The following PTGER3 variants were observed in gnomAD, a reference collection of about 807,000 sequenced individuals.
PTGER3 encodes the protein prostaglandin E2 receptor EP3 subtype.
In PTGER3, 22 loss-of-function variants were observed where a neutral mutation model predicts 34.7. That is an observed-to-expected ratio of 0.63 (90% confidence interval 0.45 to 0.91). PTGER3 has a LOEUF of 0.91. PTGER3 is among the 40% of genes least tolerant of loss of function. The pLI, the probability that PTGER3 is intolerant of heterozygous loss-of-function variation, is 0.00. For missense variants in PTGER3, 468 were observed against 519.4 expected (o/e 0.90, Z 0.96); for synonymous variants, 241 against 230.1 (o/e 1.05, Z -0.43).
At position 70,994,459 on chromosome 1, in the gene PTGER3, T is replaced by TA. The variant is rs201740512; in HGVS notation, c.1077+17845dup. 3.0e-3 allele frequency among the ~76,000 whole-genome samples: 313 copies of TA among 102,824 alleles called. 5 individuals are homozygous for TA. Among genetic ancestry groups the TA allele is most frequent in the African/African-American group, 0.01 (289 of 27,650 alleles). 67.5% of individuals were successfully genotyped at this position (102,824 alleles called of 152,430 possible). A position where few individuals can be genotyped will look rare whatever the true frequency, so the allele number is the denominator to read the frequency against. ...ATCAATGTGGTAAGTCTGTAAACCT[T>TA]AATTTTTTTTTTTTTGAGACAGAGT... On this transcript the variant is annotated intron_variant, in intron 2 of 3. Transcript: ENST00000306666.
At chr1:70,942,864 C>A (rs1015137482) in intron 4 of PTGER3, among the ~76,000 whole-genome samples, 3 of 152,140 alleles carry the variant, frequency 2.0e-5, no homozygotes, top group Admixed American at 1.3e-4. Flanking sequence ...AGGTGTTCAC[C>A]TGCAAGCCAA....
chr1:70,884,768 A>G (rs1002154680), intron 4 of PTGER3, among the ~76,000 whole-genome samples: 1 of 152,202 alleles, frequency 6.6e-6, no homozygotes, highest in African/African-American at 2.4e-5. Flanking sequence ...TGTCCCTTAA[A>G]TTCAGTGTAT....
chr1:70,966,332 A>C (rs1339995794), downstream of PTGER3, among the ~76,000 whole-genome samples: 1 of 152,182 alleles, frequency 6.6e-6, no homozygotes, highest in African/African-American at 2.4e-5. Context: ...AATCTCACAA[A>C]TCACCACTAA....
At chr1:70,865,789 G>GA (rs1646029079) in intron 4 of PTGER3, 1 of 1,367,106 alleles carries the variant, frequency 7.3e-7, no homozygotes, top group Non-Finnish European at 9.8e-7. Context: ...GCTGAGCACA[G>GA]AACCTTGAAG....
rs5687 is a variant in PTGER3, at chr1:71,010,763, C to G, written c.1077+1542G>C. The G allele has an allele frequency of 9.4e-4, 929 of 985,188 alleles. 6 individuals carry two copies. The African/African-American group carries it at 0.015, about 16-fold the overall frequency. 61.0% of individuals were successfully genotyped at this position (985,188 alleles called of 1,614,324 possible). The stretch of plus-strand genomic sequence containing the variant: ...TCATTAATTACATAAGCACTCTCAA[C>G]AGATTTTGTCTCCAAATTCAATTTG... On this transcript the variant is annotated intron_variant, in intron 2 of 3. Transcript: ENST00000306666.
intron 1 of PTGER3, among the ~76,000 whole-genome samples, chr1:71,016,009 T>C (rs1205657944): frequency 6.6e-6 from 1 of 152,208 alleles, no homozygotes; most frequent in East Asian, 1.9e-4. Context: ...CATAGCTCAC[T>C]GTAGTCCTGA....
chr1:70,916,911 G>A (rs978909074), intron 4 of PTGER3, among the ~76,000 whole-genome samples: 1 of 151,774 alleles, frequency 6.6e-6, no homozygotes, highest in Admixed American at 6.6e-5. Flanking sequence ...CAATTGACAC[G>A]TAATTGTATA....
At chr1:70,870,032 T>C (rs1407488932) in intron 4 of PTGER3, among the ~76,000 whole-genome samples, 1 of 152,214 alleles carries the variant, frequency 6.6e-6, no homozygotes, top group East Asian at 1.9e-4. Context: ...AGAGGTTCTC[T>C]GTGAGGGCTC....
chr1:70,985,873 G>A (rs1372554277), intron 2 of PTGER3, among the ~76,000 whole-genome samples: 1 of 152,170 alleles, frequency 6.6e-6, no homozygotes, highest in East Asian at 1.9e-4. Flanking sequence ...GCTATGATTA[G>A]GGCTAAGATG....
chr1:71,015,686 G>A (rs987276212), intron 1 of PTGER3, among the ~76,000 whole-genome samples: 1 of 152,116 alleles, frequency 6.6e-6, no homozygotes, highest in African/African-American at 2.4e-5. Context: ...TTCTGCTCAT[G>A]TATACTCAAT....
chr1:71,009,809 A>AT, intron 2 of PTGER3: 1 of 985,252 alleles, frequency 1.0e-6, no homozygotes, highest in Non-Finnish European at 1.2e-6. Context: ...TTGAAAGCCA[A>AT]TAAAATTAAA....
At position 71,047,458 on chromosome 1, in the gene PTGER3, A is replaced by T. The variant is rs556210237; in HGVS notation, c.120T>A (p.Pro40=). The T allele has an allele frequency of 2.5e-6, 4 of 1,610,038 alleles. No individual in the cohort carries two copies. The South Asian group carries it at 4.4e-5, about 18-fold the overall frequency. ...ATCCGCAATCCTCGCCAGACCCTGGAGGGCGCGTGAGGTTGCCCCGCGCCT... is the reference window on the plus strand; with the variant it reads ...ATCCGCAATCCTCGCCAGACCCTGGTGGGCGCGTGAGGTTGCCCCGCGCCT... ...SAEARGNLTR[P]PGSGEDCGSV... The change falls in exon 1 of 4, where the codon CCT becomes CCA. Residue 40 remains proline (P), a synonymous_variant. Transcript: ENST00000306666.
chr1:70,948,577 G>T (rs1329902366), downstream of PTGER3, among the ~76,000 whole-genome samples: 3 of 152,104 alleles, frequency 2.0e-5, no homozygotes, highest in African/African-American at 7.2e-5. Context: ...AGTCATAATG[G>T]AAGGGGAGAG....
Position 70,924,543 on chromosome 1 carries a change from A to C in PTGER3, c.*23+29220T>G, listed in dbSNP as rs921368922. The stretch of plus-strand genomic sequence containing the variant: ...GTATGAGTATTCTAATTGTGGGCAC[A>C]TTAGAATCAGCTAACAGTCCCATAT... On this transcript the variant is annotated intron_variant, in intron 4 of 4. Transcript: ENST00000370931. Among the ~76,000 whole-genome samples, 5 of 152,280 alleles carry C rather than the reference A, an allele frequency of 3.3e-5. No individual in the cohort carries two copies. The East Asian group carries it at 7.7e-4, about 24-fold the overall frequency.
intron 2 of PTGER3, among the ~76,000 whole-genome samples, chr1:70,981,664 C>T (rs1654384144): frequency 6.6e-6 from 1 of 152,054 alleles, no homozygotes; most frequent in Non-Finnish European, 1.5e-5. Context: ...CCACCTCAAC[C>T]TCCCAAAGTG....
chr1:70,974,220 T>C, intron 3 of PTGER3, 77 bp downstream of exon 3: 1 of 1,565,524 alleles, frequency 6.4e-7, no homozygotes, highest in Non-Finnish European at 8.7e-7. Flanking sequence ...TGGTCTGCCT[T>C]TGTAGCATCA....
At chr1:70,894,334 G>C (rs980426087) in intron 4 of PTGER3, among the ~76,000 whole-genome samples, 1 of 80,526 alleles carries the variant, frequency 1.2e-5, no homozygotes, top group African/African-American at 4.0e-5. Context: ...AAAAAAAAAA[G>C]AGTGCCTGAT....
chr1:70,909,235 G>T (rs1049342819), intron 4 of PTGER3, among the ~76,000 whole-genome samples: 5 of 152,084 alleles, frequency 3.3e-5, no homozygotes, highest in Non-Finnish European at 2.9e-5. Flanking sequence ...AATTACACAG[G>T]CTTCCAATCT....
At position 70,944,924 on chromosome 1, in the gene PTGER3, C is replaced by T. The variant is rs115335968; in HGVS notation, c.*23+8839G>A. ...AAAGGCCAAATCATAAGTAGATTTT[C>T]CCTCTTCATTGTAGTATCTCCATTC... On this transcript the variant is annotated intron_variant, in intron 4 of 4. Transcript: ENST00000370931. Among the ~76,000 whole-genome samples, 297 of 152,206 alleles carry T rather than the reference C, an allele frequency of 2.0e-3. 2 individuals are homozygous for T. In the Middle Eastern group the frequency reaches 0.044, roughly 23 times the overall value.
Sources: gnomAD v4.1 joint callset for allele counts (sites outside exome capture counted in the v4.1 genomes callset) on GRCh38, gnomAD v4.1.1 for gene constraint, MANE v1.5 for transcripts, NCBI Gene and HGNC (gene_info 2026-07-23, HGNC 2026-07-21) for gene names.